SLC38A10: variants seen among roughly 807,000 people sequenced by gnomAD.
The protein encoded by SLC38A10 is Sodium-coupled neutral amino acid transporter 10.
Under a neutral mutation model 81.0 loss-of-function variants are expected in SLC38A10, and 53 were observed. The ratio of observed to expected loss-of-function variants is 0.65; its 90% CI spans 0.53 to 0.82. The LOEUF is 0.82. Ranked by LOEUF, SLC38A10 falls within the 40% of genes least tolerant of loss-of-function variation. The pLI is 0.00. For synonymous variants in SLC38A10, 665 were observed against 655.3 expected (o/e 1.01, Z -0.23); for missense variants, 1,471 against 1,545.0 (o/e 0.95, Z 0.80).
chr17:81,256,174 C>T (rs191368754), intron 11 of SLC38A10, among the ~76,000 whole-genome samples: 14 of 152,376 alleles, frequency 9.2e-5, no homozygotes, highest in Admixed American at 2.0e-4. Context: ...TCAGCCACGG[C>T]GGAGGCGGAT....
At chr17:81,294,434 T>G (rs6565549) in intron 1 of SLC38A10, among the ~76,000 whole-genome samples, 96,207 of 152,062 alleles carry the variant, frequency 0.63, 32,208 homozygotes, top group African/African-American at 0.86. Flanking sequence ...AGCCTGGGAG[T>G]GGTGAGTTGT....
intron 10 of SLC38A10, chr17:81,264,169 CG>C (rs1414278942): frequency 6.6e-6 from 1 of 152,546 alleles, no homozygotes; most frequent in Non-Finnish European, 1.5e-5. Context: ...TCTGCACAGA[CG>C]GGATGGCCGG....
Position 81,295,082 on chromosome 17 carries a change from G to C in SLC38A10, c.-161C>G, listed in dbSNP as rs977650989. On this transcript the variant is annotated 5_prime_UTR_variant, in exon 1 of 16. Transcript: ENST00000374759. ...AACACGGGAGCCTGAGCAGGCGCGG[G>C]CGCGGGCCCCAGAGGCTGCCTGGAG... 2.4e-6 allele frequency: 3 copies of C among 1,253,464 alleles called. No homozygotes were observed. The highest frequency in any genetic ancestry group is 3.0e-6 in the Non-Finnish European group (3 of 992,378). The allele number at this position is 1,253,464 out of a possible 1,614,324, so 77.6% of individuals were successfully genotyped here.
At chr17:81,248,247 G>A (rs769143791) in intron 14 of SLC38A10, among the ~76,000 whole-genome samples, 10 of 152,286 alleles carry the variant, frequency 6.6e-5, no homozygotes, top group South Asian at 2.1e-4. Flanking sequence ...ATGAGCCACC[G>A]CACCCGGCCA....
Position 81,283,509 on chromosome 17 carries a change from A to G in SLC38A10, c.264-7T>C, listed in dbSNP as rs2146948559. The G allele has an allele frequency of 6.2e-7, 1 of 1,605,196 alleles. No homozygotes were observed. Among genetic ancestry groups the G allele is most frequent in the Non-Finnish European group, 8.5e-7 (1 of 1,175,840 alleles). On this transcript the variant is annotated splice_polypyrimidine_tract_variant and splice_region_variant and intron_variant, in intron 3 of 15. Coordinates refer to ENST00000374759, the MANE Select transcript of SLC38A10 (RefSeq NM_001037984.3). The surrounding 1 kb of genome is among the most constrained non-coding windows in gnomAD (Gnocchi z 4.7). ...CAGCATCAGCCCGATCATGCTGCAC[A>G]GGGACGGGGGGTACGGGAAATGCCA...
In SLC38A10 at chr17:81,281,660, C is replaced by T. The variant is rs1056647011; in HGVS notation, c.501+529G>A. On this transcript the variant is annotated intron_variant, in intron 5 of 15. Coordinates refer to ENST00000374759, the MANE Select transcript of SLC38A10 (RefSeq NM_001037984.3). This position sits in a 1 kb window ranked among gnomAD's most constrained non-coding sequence, Gnocchi z 5.3. ...GTGTGGTGGCGGGCACCTGTAATCCCCGCTACTTGGGAGGCTGAGGCAGGA... is the reference window on the plus strand; with the variant it reads ...GTGTGGTGGCGGGCACCTGTAATCCTCGCTACTTGGGAGGCTGAGGCAGGA... Among the ~76,000 whole-genome samples the T allele has an allele frequency of 6.6e-6, 1 of 152,034 alleles. No individual in the cohort carries two copies. Among genetic ancestry groups the T allele is most frequent in the African/African-American group, 2.4e-5 (1 of 41,380 alleles).
rs933551284 is a variant in SLC38A10 at position 81,276,191 on chromosome 17, T to A, written c.730-40A>T. ...GAAATGGCAACGTGGCAGACAGACA[T>A]CCTAGCCGAGTGGCACCTGTCACAG... On this transcript the variant is annotated intron_variant, in intron 7 of 15. Coordinates refer to ENST00000374759, the MANE Select transcript of SLC38A10 (RefSeq NM_001037984.3). The surrounding 1 kb of genome is among the most constrained non-coding windows in gnomAD (Gnocchi z 4.7). 1.1e-5 allele frequency: 17 copies of A among 1,552,046 alleles called. No individual in the cohort carries two copies. Among genetic ancestry groups the A allele is most frequent in the Non-Finnish European group, 1.5e-5 (17 of 1,146,106 alleles).
chr17:81,282,132 G>T, intron 5 of SLC38A10, 57 bp downstream of exon 5: 1 of 1,604,288 alleles, frequency 6.2e-7, no homozygotes, highest in Non-Finnish European at 8.5e-7. Context: ...GTGGCCACAG[G>T]AAAGAATGGG....
At position 81,253,764 on chromosome 17, in the gene SLC38A10, C is replaced by T. The variant is rs1354631025; in HGVS notation, c.1289-524G>A. Reference sequence around the variant, plus strand: ...CCACCATCACCATCATCATCACCGTCACCATCATCACCATCTCCATCCCTA... The same window carrying T: ...CCACCATCACCATCATCATCACCGTTACCATCATCACCATCTCCATCCCTA... On this transcript the variant is annotated intron_variant, in intron 11 of 15. Coordinates refer to ENST00000374759, the MANE Select transcript of SLC38A10 (RefSeq NM_001037984.3). This position sits in a 1 kb window ranked among gnomAD's most constrained non-coding sequence, Gnocchi z 4.1. Among the ~76,000 whole-genome samples, 1 of 110,926 alleles carries T rather than the reference C, an allele frequency of 9.0e-6. No individual in the cohort carries two copies. Among genetic ancestry groups the T allele is most frequent in the African/African-American group, 3.2e-5 (1 of 31,174 alleles). The allele number at this position is 110,926 out of a possible 152,430, so 72.8% of individuals were successfully genotyped here.
At chr17:81,291,750 C>A (rs2063312374) in intron 1 of SLC38A10, among the ~76,000 whole-genome samples, 1 of 152,196 alleles carries the variant, frequency 6.6e-6, no homozygotes, top group Non-Finnish European at 1.5e-5. Flanking sequence ...CACAAGAGCT[C>A]CCAATAGGAG....
chr17:81,245,305 G>C lies in SLC38A10; in HGVS notation c.*251C>G. On this transcript the variant is annotated 3_prime_UTR_variant, in exon 16 of 16. Coordinates refer to ENST00000374759, the MANE Select transcript of SLC38A10 (RefSeq NM_001037984.3). ...GGAGGCCGTTTCTCCTCACAGGCTG[G>C]AGTGAGCTCAGAGTCTAGAGGTCAG... The C allele has an allele frequency of 2.2e-6, 1 of 452,532 alleles. No homozygotes were observed. Among genetic ancestry groups the C allele is most frequent in the Non-Finnish European group, 3.9e-6 (1 of 258,930 alleles). 28.0% of individuals were successfully genotyped at this position (452,532 alleles called of 1,614,324 possible). A position where few individuals can be genotyped will look rare whatever the true frequency, so the allele number is the denominator to read the frequency against.
rs1012931126 is a variant in SLC38A10 at position 81,277,699 on chromosome 17, G to A, written c.627-566C>T. On this transcript the variant is annotated intron_variant, in intron 6 of 15. Coordinates refer to ENST00000374759, the MANE Select transcript of SLC38A10 (RefSeq NM_001037984.3). This position sits in a 1 kb window ranked among gnomAD's most constrained non-coding sequence, Gnocchi z 4.5. ...CCAGGAGTGTGGTGCTGCTAGGGGTGGGAGGGACCCAAGCCACCAGCCAGG... is the reference window on the plus strand; with the variant it reads ...CCAGGAGTGTGGTGCTGCTAGGGGTAGGAGGGACCCAAGCCACCAGCCAGG... Among the ~76,000 whole-genome samples, 7 of 152,200 alleles carry A rather than the reference G, an allele frequency of 4.6e-5. No individual in the cohort carries two copies. Among genetic ancestry groups the A allele is most frequent in the Non-Finnish European group, 7.4e-5 (5 of 68,026 alleles).
chr17:81,275,474 C>T (rs1469017430), intron 8 of SLC38A10, among the ~76,000 whole-genome samples: 1 of 151,412 alleles, frequency 6.6e-6, no homozygotes, highest in Non-Finnish European at 1.5e-5. Flanking sequence ...TGGCTCACGC[C>T]TGTAATCCCA....
chr17:81,272,842 C>T (rs1427202038), intron 8 of SLC38A10, among the ~76,000 whole-genome samples: 2 of 152,228 alleles, frequency 1.3e-5, no homozygotes, highest in Non-Finnish European at 2.9e-5. Flanking sequence ...GGCACGAGGG[C>T]TTCTCACCCC....
At chr17:81,250,100 G>A (rs777395477) in intron 14 of SLC38A10, 173 of 1,287,902 alleles carry the variant, frequency 1.3e-4, no homozygotes, top group Non-Finnish European at 1.6e-4. Context: ...TCAGCTGCTC[G>A]TCCCGTTGAG....
chr17:81,275,065 G>A (rs761890298), intron 8 of SLC38A10, among the ~76,000 whole-genome samples: 5 of 152,064 alleles, frequency 3.3e-5, no homozygotes, highest in Admixed American at 6.6e-5. Flanking sequence ...GCTGCCATGC[G>A]TGGCTAATTT....
Position 81,282,221 on chromosome 17 carries a change from C to A in SLC38A10, c.469G>T (p.Ala157Ser), listed in dbSNP as rs1029015726. 1 of 1,613,700 alleles carries A rather than the reference C, an allele frequency of 6.2e-7. No individual in the cohort carries two copies. The highest frequency in any genetic ancestry group is 8.5e-7 in the Non-Finnish European group (1 of 1,180,000). The change falls in exon 5 of 16, where the codon GCC (alanine) becomes TCC (serine). Residue 157 changes from alanine to serine, a missense_variant. Coordinates refer to ENST00000374759, the MANE Select transcript of SLC38A10 (RefSeq NM_001037984.3). Reference sequence around the variant, plus strand: ...ATGAACACGGTGTAGAAGAGGAGGGCCATGGCGCTGAAGGACTGGATGGAG... The same window carrying A: ...ATGAACACGGTGTAGAAGAGGAGGGACATGGCGCTGAAGGACTGGATGGAG... ...MASIQSFSAM[A>S]LLFYTVFMFV... is the part of the protein sequence containing the mutation.
chr17:81,250,816 G>A, intron 14 of SLC38A10: 1 of 1,004,088 alleles, frequency 1.0e-6, no homozygotes. Context: ...AACTGCATGA[G>A]GCCACAAGGA....
Position 81,251,407 on chromosome 17 carries a change from G to A in SLC38A10, c.2065+86C>T, listed in dbSNP as rs764316323. On this transcript the variant is annotated intron_variant, in intron 14 of 15. Transcript: ENST00000374759. ...AGGGGGGCCTGGCAGGGCTCCCGAGGATGACCTGGGCATCACCCCAGGGCT... is the reference window on the plus strand; with the variant it reads ...AGGGGGGCCTGGCAGGGCTCCCGAGAATGACCTGGGCATCACCCCAGGGCT... 4.3e-6 allele frequency: 7 copies of A among 1,611,396 alleles called. No homozygotes were observed. The Admixed American group carries it at 8.4e-5, about 19-fold the overall frequency.
Sources: gnomAD v4.1 joint callset for allele counts (sites outside exome capture counted in the v4.1 genomes callset) on GRCh38, gnomAD v4.1.1 for gene constraint, Gnocchi (gnomAD v3.1) non-coding constraint, MANE v1.5 for transcripts, NCBI Gene and HGNC (gene_info 2026-07-23, HGNC 2026-07-21) for gene names.